CATSPERB: variants seen among roughly 807,000 people sequenced by gnomAD.
CATSPERB encodes catsper channel auxiliary subunit beta.
Under a neutral mutation model 128.3 loss-of-function variants are expected in CATSPERB, and 93 were observed. The ratio of observed to expected loss-of-function variants is 0.72; its 90% CI spans 0.61 to 0.86. The LOEUF (loss-of-function observed/expected upper bound fraction) is 0.86, where lower values mean the gene tolerates loss of function less well. Among genes scored for constraint, CATSPERB ranks in the 40% least tolerant of loss-of-function variants. The pLI is 0.00. For synonymous variants in CATSPERB, 381 were observed against 448.8 expected (o/e 0.85, Z 1.91); for missense variants, 1,153 against 1,329.5 (o/e 0.87, Z 2.06).
At position 91,639,320 on chromosome 14, in the gene CATSPERB, T is replaced by C. The variant is rs757544351; in HGVS notation, c.1433-70A>G. On this transcript the variant is annotated intron_variant, in intron 15 of 26. Transcript: ENST00000256343. ...AGTCGAAAAACTTTAATATCATACCTTGTAAAGACACCTTCATTTAAACTA... is the reference window on the plus strand; with the variant it reads ...AGTCGAAAAACTTTAATATCATACCCTGTAAAGACACCTTCATTTAAACTA... 264 of 1,263,676 alleles carry C rather than the reference T, an allele frequency of 2.1e-4. 2 individuals are homozygous for C. The highest frequency in any genetic ancestry group is 2.1e-4 in the Middle Eastern group (1 of 4,794). The allele number at this position is 1,263,676 out of a possible 1,614,324, so 78.3% of individuals were successfully genotyped here. A position where few individuals can be genotyped will look rare whatever the true frequency, so the allele number is the denominator to read the frequency against.
chr14:91,727,008 T>C (rs1896129235), intron 2 of CATSPERB, among the ~76,000 whole-genome samples: 2 of 152,138 alleles, frequency 1.3e-5, no homozygotes, highest in Admixed American at 6.6e-5. Context: ...CAGGCCCAGA[T>C]AGGGAACAGG....
At chr14:91,662,757 C>T (rs1258493596) in intron 14 of CATSPERB, among the ~76,000 whole-genome samples, 3 of 152,176 alleles carry the variant, frequency 2.0e-5, no homozygotes, top group African/African-American at 4.8e-5. Context: ...AAAATGATAT[C>T]GTCGTTCATT....
rs570228075 is a variant in CATSPERB at position 91,613,899 on chromosome 14, C to T, written c.2401-3222G>A. Among the ~76,000 whole-genome samples the T allele has an allele frequency of 3.2e-4, 49 of 152,308 alleles. 1 individual carries two copies. The South Asian group carries it at 0.01, about 32-fold the overall frequency. On this transcript the variant is annotated intron_variant, in intron 20 of 26. Transcript: ENST00000256343. ...CTAGCATGTGCAACCACAGCGCATG[C>T]ACCCAAGGGACCACTTGAAACATGC...
At chr14:91,643,910 T>C (rs1347998577) in intron 15 of CATSPERB, among the ~76,000 whole-genome samples, 1 of 126,852 alleles carries the variant, frequency 7.9e-6, no homozygotes, top group Non-Finnish European at 1.7e-5. Flanking sequence ...TGGGTGCATA[T>C]ATATTTAGGA....
chr14:91,605,348 T>A (rs185388336), intron 22 of CATSPERB: 5 of 675,076 alleles, frequency 7.4e-6, no homozygotes, highest in African/African-American at 5.4e-5. Flanking sequence ...GAGGAAAAAA[T>A]TTAAGAGCTG....
chr14:91,648,915 C>T (rs1462504943), intron 15 of CATSPERB, among the ~76,000 whole-genome samples: 2 of 151,976 alleles, frequency 1.3e-5, no homozygotes, highest in Non-Finnish European at 2.9e-5. Context: ...GGCCGCTCAC[C>T]CAGACCACAA....
intron 22 of CATSPERB, among the ~76,000 whole-genome samples, chr14:91,603,979 T>G (rs1469316719): frequency 1.5e-5 from 2 of 129,554 alleles, no homozygotes; most frequent in East Asian, 5.1e-4. Context: ...TTTTTTTTTT[T>G]GTCTCTCTCT....
At chr14:91,651,060 TC>T (rs1335342859) in intron 15 of CATSPERB, among the ~76,000 whole-genome samples, 1 of 152,206 alleles carries the variant, frequency 6.6e-6, no homozygotes, top group African/African-American at 2.4e-5. Flanking sequence ...TTCCTCCAGA[TC>T]CACTCTCAGA....
chr14:91,614,935 A>G (rs1893907471), intron 20 of CATSPERB, among the ~76,000 whole-genome samples: 1 of 152,210 alleles, frequency 6.6e-6, no homozygotes, highest in African/African-American at 2.4e-5. Flanking sequence ...CATAGCCATC[A>G]CCTTGAATAC....
intron 10 of CATSPERB, 118 bp downstream of exon 10, chr14:91,691,405 A>G (rs949147389): frequency 2.9e-5 from 16 of 546,120 alleles, no homozygotes; most frequent in Non-Finnish European, 4.0e-5. Flanking sequence ...TGTTTAAACT[A>G]TAAATAATAT....
rs763006224 is a variant in CATSPERB, at chr14:91,672,857, T to C, written c.1128+10A>G. ...GTCAAGATAAATTCCCTCTGGGATA[T>C]AAGGCCTACCTTGTTATAGAAGAGG... On this transcript the variant is annotated intron_variant, in intron 13 of 26. Transcript: ENST00000256343. The C allele has an allele frequency of 2.0e-6, 3 of 1,537,294 alleles. No homozygotes were observed. The highest frequency in any genetic ancestry group is 2.6e-6 in the Non-Finnish European group (3 of 1,153,586).
chr14:91,597,347 A>T (rs1189429497), intron 22 of CATSPERB, among the ~76,000 whole-genome samples: 1 of 152,214 alleles, frequency 6.6e-6, no homozygotes, highest in African/African-American at 2.4e-5. Context: ...AACCTTCATT[A>T]TTTGAGTTGA....
chr14:91,638,842 GT>G (rs1894431053), intron 16 of CATSPERB, among the ~76,000 whole-genome samples: 1 of 152,146 alleles, frequency 6.6e-6, no homozygotes, highest in South Asian at 2.1e-4. Context: ...ATGTTTAGTG[GT>G]GTTCTGCTGC....
Position 91,659,870 on chromosome 14 carries a change from A to G in CATSPERB, c.1399T>C (p.Ser467Pro). Residue 467 changes from serine (S) to proline (P), a missense_variant, in exon 15 of 27, where the codon TCT becomes CCT. Ser to Pro is a moderately conservative substitution (Grantham distance 74). Coordinates refer to ENST00000256343, the MANE Select transcript of CATSPERB (RefSeq NM_024764.4). ...SFYTSAITFV[S>P]QRGKVYSTKA... ...GTCGAGTAAACCTTTCCACGTTGAG[A>G]AACAAAAGTAATAGCTGATGTATAA... is the stretch of plus-strand genomic sequence containing the variant. The G allele has an allele frequency of 6.2e-7, 1 of 1,606,622 alleles. No homozygotes were observed. The highest frequency in any genetic ancestry group is 8.5e-7 in the Non-Finnish European group (1 of 1,178,236).
chr14:91,686,912 C>T (rs993819365), intron 10 of CATSPERB, among the ~76,000 whole-genome samples: 1 of 152,000 alleles, frequency 6.6e-6, no homozygotes, highest in Non-Finnish European at 1.5e-5. Flanking sequence ...CAATGGAATA[C>T]TTGTAGCTGG....
chr14:91,622,924 C>T (rs1295237357), intron 18 of CATSPERB, among the ~76,000 whole-genome samples: 3 of 107,004 alleles, frequency 2.8e-5, no homozygotes, highest in East Asian at 2.8e-4. Context: ...TATGGAGTTT[C>T]GCTCTTGTCA....
chr14:91,615,567 G>T (rs1469608373), intron 20 of CATSPERB, among the ~76,000 whole-genome samples: 1 of 152,128 alleles, frequency 6.6e-6, no homozygotes. Flanking sequence ...TGTGTGCCTG[G>T]CTTATTTCAC....
chr14:91,702,500 C>T (rs1895666588), intron 7 of CATSPERB, among the ~76,000 whole-genome samples: 2 of 151,774 alleles, frequency 1.3e-5, no homozygotes, highest in Non-Finnish European at 2.9e-5. Context: ...TTGTCTATCC[C>T]TATACTGATG....
At chr14:91,618,462 T>A (rs1272759533) in intron 19 of CATSPERB, among the ~76,000 whole-genome samples, 1 of 152,184 alleles carries the variant, frequency 6.6e-6, no homozygotes, top group East Asian at 1.9e-4. Flanking sequence ...AATGTAACTT[T>A]ACAAATATTT....
Sources: gnomAD v4.1 joint callset for allele counts (sites outside exome capture counted in the v4.1 genomes callset) on GRCh38, gnomAD v4.1.1 for gene constraint, MANE v1.5 for transcripts, NCBI Gene and HGNC (gene_info 2026-07-23, HGNC 2026-07-21) for gene names.